The following RBMS1 variants were observed in gnomAD, a reference collection of about 807,000 sequenced individuals.
The protein encoded by RBMS1 is RNA binding motif single stranded interacting protein 1.
Under a neutral mutation model 62.3 loss-of-function variants are expected in RBMS1, and 17 were observed. The observed-to-expected ratio is 0.27, with a 90% CI of 0.19 to 0.41. RBMS1 has a LOEUF of 0.41. Ranked by LOEUF, RBMS1 falls within the 10% of genes least tolerant of loss-of-function variation. The probability of loss-of-function intolerance (pLI) is 1.00; values close to 1 mark genes in which losing one functional copy is unlikely to be tolerated. For synonymous variants in RBMS1, 172 were observed against 170.0 expected, an observed-to-expected ratio of 1.01 and a Z score of -0.09; for missense variants, 334 against 504.5, an observed-to-expected ratio of 0.66 and a Z score of 3.24.
At chr2:160,439,836 C>T (rs1183843432) in intron 1 of RBMS1, among the ~76,000 whole-genome samples, 1 of 151,986 alleles carries the variant, frequency 6.6e-6, no homozygotes, top group Non-Finnish European at 1.5e-5. Context: ...GCGGATCACT[C>T]GCGGTTAGGA....
chr2:160,460,454 C>G (rs985571402), intron 1 of RBMS1, among the ~76,000 whole-genome samples: 3 of 152,212 alleles, frequency 2.0e-5, no homozygotes, highest in Admixed American at 6.5e-5. Context: ...CACTGTGGTT[C>G]AGAGAGACTA....
At chr2:160,450,098 C>T (rs867085985) in intron 1 of RBMS1, among the ~76,000 whole-genome samples, 36 of 152,298 alleles carry the variant, frequency 2.4e-4, no homozygotes, top group Admixed American at 4.6e-4. Context: ...CCAACCATAC[C>T]AGCACTTGCT....
chr2:160,458,252 T>C (rs1371000307), intron 1 of RBMS1, among the ~76,000 whole-genome samples: 1 of 152,136 alleles, frequency 6.6e-6, no homozygotes, highest in Non-Finnish European at 1.5e-5. Context: ...GCACCAGCCA[T>C]GGCATCTGGC....
chr2:160,412,196 A>G (rs1339053714), intron 1 of RBMS1, among the ~76,000 whole-genome samples: 2 of 152,256 alleles, frequency 1.3e-5, no homozygotes, highest in African/African-American at 4.8e-5. Flanking sequence ...ATAGGAGATG[A>G]CACACATAGG....
chr2:160,394,747 T>C (rs1024612051), intron 1 of RBMS1, among the ~76,000 whole-genome samples: 3 of 152,244 alleles, frequency 2.0e-5, no homozygotes, highest in Non-Finnish European at 4.4e-5. Context: ...GTTCTATCAA[T>C]GATTTTTTAA....
chr2:160,433,978 C>G (rs1683011914), intron 1 of RBMS1, among the ~76,000 whole-genome samples: 1 of 152,290 alleles, frequency 6.6e-6, no homozygotes, highest in South Asian at 2.1e-4. Flanking sequence ...AGCTCCTAAT[C>G]ATTTTAATCT....
intron 5 of RBMS1, among the ~76,000 whole-genome samples, chr2:160,300,963 A>T (rs1559344587): frequency 6.6e-6 from 1 of 152,248 alleles, no homozygotes; most frequent in Non-Finnish European, 1.5e-5. Context: ...GCAAGAATCT[A>T]CTGAGTGTTT....
intron 1 of RBMS1, among the ~76,000 whole-genome samples, chr2:160,435,896 G>A (rs1231872302): frequency 6.6e-6 from 1 of 152,162 alleles, no homozygotes; most frequent in Non-Finnish European, 1.5e-5. Flanking sequence ...ATTATTTAAT[G>A]AGAATGGATA....
At chr2:160,434,161 A>G (rs1559545414) in intron 1 of RBMS1, among the ~76,000 whole-genome samples, 1 of 152,138 alleles carries the variant, frequency 6.6e-6, no homozygotes, top group South Asian at 2.1e-4. Context: ...AGCTTGTTAT[A>G]AAATAAAACG....
intron 2 of RBMS1, among the ~76,000 whole-genome samples, chr2:160,333,676 C>T (rs959955062): frequency 6.6e-6 from 1 of 152,074 alleles, no homozygotes; most frequent in Admixed American, 6.5e-5. Context: ...ACTGATGGAG[C>T]CAATAAGACA....
chr2:160,444,974 C>T (rs1553526502), intron 1 of RBMS1, among the ~76,000 whole-genome samples: 1 of 152,140 alleles, frequency 6.6e-6, no homozygotes, highest in Non-Finnish European at 1.5e-5. Flanking sequence ...TTTAAACCAC[C>T]CAGTCTATGG....
chr2:160,313,539 T>C (rs2105964927), intron 3 of RBMS1, among the ~76,000 whole-genome samples: 1 of 151,806 alleles, frequency 6.6e-6, no homozygotes, highest in East Asian at 1.9e-4. Flanking sequence ...GACATCTAAG[T>C]TGCCAACCAA....
At chr2:160,449,123 A>C (rs1465703195) in intron 1 of RBMS1, among the ~76,000 whole-genome samples, 3 of 149,596 alleles carry the variant, frequency 2.0e-5, no homozygotes, top group Non-Finnish European at 4.4e-5. Flanking sequence ...GGAAGTGAGG[A>C]GCCCCTCCGC....
chr2:160,412,995 C>T (rs943038352), intron 1 of RBMS1, among the ~76,000 whole-genome samples: 34 of 151,886 alleles, frequency 2.2e-4, no homozygotes, highest in African/African-American at 7.0e-4. Context: ...AGTATGGTGG[C>T]GAAGCTAAGC....
At chr2:160,396,259 TTG>T (rs1285503349) in intron 1 of RBMS1, among the ~76,000 whole-genome samples, 4 of 152,204 alleles carry the variant, frequency 2.6e-5, no homozygotes, top group African/African-American at 9.6e-5. Context: ...TTATTTTGGT[TTG>T]TGTTTCATGG....
At chr2:160,339,417 G>A (rs182187603) in intron 2 of RBMS1, among the ~76,000 whole-genome samples, 128 of 152,166 alleles carry the variant, frequency 8.4e-4, no homozygotes, top group African/African-American at 2.8e-3. Context: ...CTTGTTACTC[G>A]TTTTTCCTGT....
chr2:160,410,256 C>T (rs1046196963), intron 1 of RBMS1, among the ~76,000 whole-genome samples: 1 of 142,918 alleles, frequency 7.0e-6, no homozygotes, highest in Non-Finnish European at 1.5e-5. Context: ...AATTAAAAGA[C>T]TCTAAGACTA....
At chr2:160,389,435 T>C (rs896881550) in intron 1 of RBMS1, among the ~76,000 whole-genome samples, 5 of 152,130 alleles carry the variant, frequency 3.3e-5, no homozygotes, top group Non-Finnish European at 5.9e-5. Context: ...TGGTGGCTCA[T>C]GCCTGTAATG....
chr2:160,319,522 C>G (rs1690433299), intron 2 of RBMS1, among the ~76,000 whole-genome samples: 1 of 152,062 alleles, frequency 6.6e-6, no homozygotes, highest in Non-Finnish European at 1.5e-5. Flanking sequence ...AAAAACAAAA[C>G]AAAACAAATC....
Sources: gnomAD v4.1 joint callset for allele counts (sites outside exome capture counted in the v4.1 genomes callset) on GRCh38, gnomAD v4.1.1 for gene constraint, MANE v1.5 for transcripts, NCBI Gene and HGNC (gene_info 2026-07-23, HGNC 2026-07-21) for gene names.